JADE2: variants seen among roughly 807,000 people sequenced by gnomAD.
The protein encoded by JADE2 is E3 ubiquitin-protein ligase Jade-2.
In JADE2, 13 loss-of-function variants were observed where a neutral mutation model predicts 85.7. That is an observed-to-expected ratio of 0.15 (90% CI 0.10 to 0.24). JADE2 has a LOEUF of 0.24. Among genes scored for constraint, JADE2 ranks in the 10% least tolerant of loss-of-function variants. The pLI is 1.00. For missense variants in JADE2, 846 were observed against 1,115.9 expected (o/e 0.76, Z 3.45); for synonymous variants, 440 against 456.1 (o/e 0.96, Z 0.45).
At chr5:134,567,839 G>A (rs1249007795) in intron 9 of JADE2, among the ~76,000 whole-genome samples, 1 of 152,208 alleles carries the variant, frequency 6.6e-6, no homozygotes, top group Non-Finnish European at 1.5e-5. Context: ...CAGGCCAGAA[G>A]GAAGAGGTGG....
intron 1 of JADE2, among the ~76,000 whole-genome samples, chr5:134,528,409 G>A (rs1329859854): frequency 6.6e-6 from 1 of 152,088 alleles, no homozygotes; most frequent in Non-Finnish European, 1.5e-5. Flanking sequence ...GCTGGGACTC[G>A]CAGAGCCATC....
chr5:134,563,601 G>T (rs329309), intron 7 of JADE2, among the ~76,000 whole-genome samples: 61,660 of 152,176 alleles, frequency 0.41, 13,351 homozygotes, highest in Non-Finnish European at 0.48. Context: ...AGTGTTGCCT[G>T]TGCCCAGAAG....
rs1177067344 is a variant in JADE2 at position 134,525,989 on chromosome 5, T to C, written c.-23T>C. The stretch of plus-strand genomic sequence containing the variant: ...GGCGCGTAGCCGAGGGCAGCGCCCG[T>C]CAGGGGGGCACCGCGGAGCAAGGTA... On this transcript the variant is annotated 5_prime_UTR_variant, in exon 1 of 12. Coordinates refer to ENST00000681547, the MANE Select transcript of JADE2 (RefSeq NM_001388185.1). 2.2e-5 allele frequency: 22 copies of C among 985,360 alleles called. No individual in the cohort carries two copies. Among genetic ancestry groups the C allele is most frequent in the Non-Finnish European group, 2.5e-5 (21 of 830,100 alleles). 61.0% of individuals were successfully genotyped at this position (985,360 alleles called of 1,614,324 possible). A position where few individuals can be genotyped will look rare whatever the true frequency, so the allele number is the denominator to read the frequency against.
chr5:134,578,995 C>A lies in JADE2; in HGVS notation c.2183C>A (p.Ala728Glu), dbSNP rs550257320. Residue 728 changes from alanine to glutamate, a missense_variant, in exon 12 of 12, where the codon GCA becomes GAA. Physicochemically the swap from Ala to Glu is moderately radical, Grantham distance 107 (BLOSUM62 -1). Coordinates refer to ENST00000681547, the MANE Select transcript of JADE2 (RefSeq NM_001388185.1). The surrounding 1 kb of genome is among the most constrained non-coding windows in gnomAD (Gnocchi z 4.4). Reference sequence around the variant, plus strand: ...CTGGCCCCTGAGACCCCGGACGAGGCAGCCTCAGTAGCTGCTGACTCAGAT... The same window carrying A: ...CTGGCCCCTGAGACCCCGGACGAGGAAGCCTCAGTAGCTGCTGACTCAGAT... ...PPLAPETPDE[A>E]ASVAADSDVQ... 14 of 1,613,676 alleles carry A rather than the reference C, an allele frequency of 8.7e-6. No individual in the cohort carries two copies. The highest frequency in any genetic ancestry group is 1.7e-6 in the Non-Finnish European group (2 of 1,180,016).
chr5:134,567,449 T>C (rs1332614495), intron 9 of JADE2, among the ~76,000 whole-genome samples: 2 of 152,184 alleles, frequency 1.3e-5, no homozygotes, highest in Non-Finnish European at 2.9e-5. Context: ...TCCAGTCCTC[T>C]GAACCCCACA....
intron 3 of JADE2, among the ~76,000 whole-genome samples, chr5:134,539,180 G>GCCTCC (rs2149886632): frequency 6.6e-6 from 1 of 152,068 alleles, no homozygotes; most frequent in Admixed American, 6.6e-5. Context: ...TCCTGCCTCA[G>GCCTCC]CCTCCCGAGT....
chr5:134,576,757 C>A lies in JADE2; in HGVS notation c.1553-11C>A. ...ACCATCTCCCTCCTCCTCTCACTTT[C>A]CCTGACACAGAGCGGTCTGGGAGGA... On this transcript the variant is annotated splice_polypyrimidine_tract_variant and intron_variant, in intron 10 of 11. Transcript: ENST00000681547. 1 of 1,550,534 alleles carries A rather than the reference C, an allele frequency of 6.4e-7. No individual in the cohort carries two copies. The highest frequency in any genetic ancestry group is 1.2e-5 in the South Asian group (1 of 84,058).
intron 10 of JADE2, among the ~76,000 whole-genome samples, chr5:134,576,298 C>T (rs1342582790): frequency 6.6e-6 from 1 of 152,072 alleles, no homozygotes; most frequent in African/African-American, 2.4e-5. Flanking sequence ...TGCTGCCTGA[C>T]TTTGAAAGCC....
In JADE2 at chr5:134,576,905, G is replaced by A; in HGVS notation, c.1681+9G>A. On this transcript the variant is annotated intron_variant, in intron 11 of 11. Coordinates refer to ENST00000681547, the MANE Select transcript of JADE2 (RefSeq NM_001388185.1). ...AGTCCTGGGGCAGCTGGGTGAGTGA[G>A]GGCCATGCTGGCCTGCAGACACGGC... 2.0e-6 allele frequency: 3 copies of A among 1,531,184 alleles called. No individual in the cohort carries two copies. Among genetic ancestry groups the A allele is most frequent in the Non-Finnish European group, 2.6e-6 (3 of 1,137,798 alleles). 94.8% of individuals were successfully genotyped at this position (1,531,184 alleles called of 1,614,324 possible).
At chr5:134,527,737 C>T (rs1226970029) in intron 1 of JADE2, among the ~76,000 whole-genome samples, 1 of 152,018 alleles carries the variant, frequency 6.6e-6, no homozygotes, top group Non-Finnish European at 1.5e-5. Context: ...TGGAGGCGCG[C>T]GCAACTCCCC....
chr5:134,525,991 AG>A lies in JADE2; in HGVS notation c.-15del. ...CGCGTAGCCGAGGGCAGCGCCCGTC[AG>A]GGGGGCACCGCGGAGCAAGGTAAGA... On this transcript the variant is annotated 5_prime_UTR_variant, in exon 1 of 12. Coordinates refer to ENST00000681547, the MANE Select transcript of JADE2 (RefSeq NM_001388185.1). The A allele has an allele frequency of 2.0e-6, 2 of 985,384 alleles. No individual in the cohort carries two copies. Among genetic ancestry groups the A allele is most frequent in the South Asian group, 9.4e-5 (2 of 21,288 alleles). The allele number at this position is 985,384 out of a possible 1,614,324, so 61.0% of individuals were successfully genotyped here. A position where few individuals can be genotyped will look rare whatever the true frequency, so the allele number is the denominator to read the frequency against.
At chr5:134,571,189 A>T (rs368010067) in intron 9 of JADE2, among the ~76,000 whole-genome samples, 1 of 152,256 alleles carries the variant, frequency 6.6e-6, no homozygotes, top group Admixed American at 6.5e-5. Context: ...CCCTGTAGGC[A>T]CCTGTGTCAG....
At chr5:134,538,229 C>A in intron 3 of JADE2, 146 bp downstream of exon 3, 1 of 618,352 alleles carries the variant, frequency 1.6e-6, no homozygotes, top group Non-Finnish European at 2.9e-6. Flanking sequence ...GAGTAGGGGC[C>A]AGTTTCCCTC....
At position 134,560,131 on chromosome 5, in the gene JADE2, G is replaced by T. The variant is rs1033132367; in HGVS notation, c.472+141G>T. On this transcript the variant is annotated intron_variant, in intron 5 of 11. Transcript: ENST00000681547. ...GTCTCCATACTGCATTACTGAATGG[G>T]GACCTCACTGGTTAGTGTCTCTGTG... 78 of 919,088 alleles carry T rather than the reference G, an allele frequency of 8.5e-5. No homozygotes were observed. In the Admixed American group the frequency reaches 2.2e-3, roughly 26 times the overall value. 56.9% of individuals were successfully genotyped at this position (919,088 alleles called of 1,614,324 possible).
intron 8 of JADE2, among the ~76,000 whole-genome samples, chr5:134,564,941 G>A (rs1763546533): frequency 1.3e-5 from 2 of 152,154 alleles, no homozygotes; most frequent in Admixed American, 1.3e-4. Context: ...GACGCGTTAG[G>A]GGTTAGGAAT....
intron 9 of JADE2, among the ~76,000 whole-genome samples, chr5:134,571,245 C>A (rs1480352328): frequency 6.6e-6 from 1 of 152,220 alleles, no homozygotes; most frequent in Non-Finnish European, 1.5e-5. Flanking sequence ...TGTAGTATGA[C>A]CTCATCTTAA....
chr5:134,543,784 T>G (rs1762124173), intron 3 of JADE2, among the ~76,000 whole-genome samples: 1 of 152,158 alleles, frequency 6.6e-6, no homozygotes, highest in South Asian at 2.1e-4. Flanking sequence ...GAAGCTTCTT[T>G]GAGTATTTTT....
At chr5:134,533,937 A>G (rs1761420740) in intron 1 of JADE2, among the ~76,000 whole-genome samples, 1 of 151,880 alleles carries the variant, frequency 6.6e-6, no homozygotes, top group African/African-American at 2.4e-5. Context: ...TGTAGAGATG[A>G]GTCCCCCTAC....
At chr5:134,577,608 T>G (rs1764456066) in intron 11 of JADE2, among the ~76,000 whole-genome samples, 1 of 152,130 alleles carries the variant, frequency 6.6e-6, no homozygotes, top group Non-Finnish European at 1.5e-5. Flanking sequence ...GGAGGATCGC[T>G]TGAGCCCAGG....
Sources: gnomAD v4.1 joint callset for allele counts (sites outside exome capture counted in the v4.1 genomes callset) on GRCh38, gnomAD v4.1.1 for gene constraint, Gnocchi (gnomAD v3.1) non-coding constraint, MANE v1.5 for transcripts, NCBI Gene and HGNC (gene_info 2026-07-23, HGNC 2026-07-21) for gene names.